The following LYG1 variants were observed in gnomAD, a reference collection of about 807,000 sequenced individuals.
LYG1 encodes lysozyme g-like protein 1.
Under a neutral mutation model 21.7 loss-of-function variants are expected in LYG1, and 17 were observed. That is an observed-to-expected ratio of 0.78 (90% CI 0.54 to 1.18). The LOEUF (loss-of-function observed/expected upper bound fraction) is 1.18. Ranked by LOEUF, LYG1 falls within the 50% of genes most tolerant of loss-of-function variation. LYG1 has a pLI of 0.00. For missense variants in LYG1, 211 were observed against 238.1 expected, an observed-to-expected ratio of 0.89 and a Z score of 0.75; for synonymous variants, 81 against 87.4, an observed-to-expected ratio of 0.93 and a Z score of 0.41.
upstream of LYG1, among the ~76,000 whole-genome samples, chr2:99,302,305 G>A (rs918930245): frequency 1.3e-5 from 2 of 152,160 alleles, no homozygotes; most frequent in African/African-American, 2.4e-5. Context: ...CACAAGCTCC[G>A]TGAGAGCTGT....
intron 5 of LYG1, among the ~76,000 whole-genome samples, chr2:99,288,208 T>C (rs1041299985): frequency 6.6e-6 from 1 of 152,182 alleles, no homozygotes; most frequent in Non-Finnish European, 1.5e-5. Flanking sequence ...TCAATCTTTT[T>C]TGTTATGTCA....
chr2:99,292,713 A>G, intron 3 of LYG1, 73 bp from the exon 4 acceptor site: 1 of 920,960 alleles, frequency 1.1e-6, no homozygotes, highest in Non-Finnish European at 1.8e-6. Flanking sequence ...GAATAAAATT[A>G]CATTAATAAA....
Position 99,292,519 on chromosome 2 carries a change from C to A in LYG1, c.148+17G>T, listed in dbSNP as rs374542350. 125 of 1,590,568 alleles carry A rather than the reference C, an allele frequency of 7.9e-5. No homozygotes were observed. The highest frequency in any genetic ancestry group is 1.0e-4 in the Non-Finnish European group (117 of 1,158,842). Reference sequence around the variant, plus strand: ...AAAGCCGGGGGATAGGTTGAGAGGGCGAAAGCTCATAGCTACCACAGTAGT... The same window carrying A: ...AAAGCCGGGGGATAGGTTGAGAGGGAGAAAGCTCATAGCTACCACAGTAGT... On this transcript the variant is annotated intron_variant, in intron 4 of 6. Transcript: ENST00000308528.
chr2:99,296,136 CT>C (rs1213816428), intron 2 of LYG1, among the ~76,000 whole-genome samples: 1 of 152,076 alleles, frequency 6.6e-6, no homozygotes, highest in Non-Finnish European at 1.5e-5. Flanking sequence ...ATTTAGGTCC[CT>C]TCTTCTTCAG....
At chr2:99,294,309 C>T (rs985220883) in intron 3 of LYG1, among the ~76,000 whole-genome samples, 2 of 152,184 alleles carry the variant, frequency 1.3e-5, no homozygotes, top group African/African-American at 4.8e-5. Context: ...TATCTATTGC[C>T]TATAATCATA....
At chr2:99,302,974 G>A (rs943019280), upstream of LYG1, among the ~76,000 whole-genome samples, 3 of 151,074 alleles carry the variant, frequency 2.0e-5, no homozygotes, top group African/African-American at 7.3e-5. Context: ...CCAAGATCAT[G>A]CCAGTGTACT....
intron 4 of LYG1, among the ~76,000 whole-genome samples, chr2:99,292,297 T>C (rs2094121410): frequency 6.6e-6 from 1 of 151,724 alleles, no homozygotes; most frequent in African/African-American, 2.4e-5. Context: ...AAAAAATAAA[T>C]AAAAATAAAA....
intron 3 of LYG1, among the ~76,000 whole-genome samples, chr2:99,293,305 T>C (rs1308741291): frequency 6.6e-6 from 1 of 152,186 alleles, no homozygotes; most frequent in African/African-American, 2.4e-5. Context: ...TCTTTCATCT[T>C]ATATGAACTC....
chr2:99,299,966 A>G (rs2094149593), intron 1 of LYG1, among the ~76,000 whole-genome samples: 2 of 152,006 alleles, frequency 1.3e-5, no homozygotes, highest in South Asian at 4.1e-4. Context: ...ACGTACAGCA[A>G]CACTCCAGCC....
At chr2:99,292,985 CTTTTTTTTTTTTTT>C (rs70940159) in intron 3 of LYG1, among the ~76,000 whole-genome samples, 42 of 83,164 alleles carry the variant, frequency 5.1e-4, no homozygotes, top group African/African-American at 1.9e-3. Context: ...CCTCATCTTA[CTTTTTTTTTTTTTT>C]TTTTTTTTTT....
chr2:99,284,590 A>G (rs915145614), intron 6 of LYG1, 79 bp from the exon 7 acceptor site: 2 of 1,592,564 alleles, frequency 1.3e-6, no homozygotes, highest in Non-Finnish European at 1.7e-6. Context: ...ACTACCTAAC[A>G]GGAGGCAGCT....
At chr2:99,287,544 CT>C (rs904030249) in intron 5 of LYG1, among the ~76,000 whole-genome samples, 1 of 151,206 alleles carries the variant, frequency 6.6e-6, no homozygotes, top group Non-Finnish European at 1.5e-5. Flanking sequence ...AAAAGGCTTT[CT>C]TTTTTTTTAA....
Position 99,301,143 on chromosome 2 carries a change from A to G in LYG1, c.-217T>C, listed in dbSNP as rs1260870622. On this transcript the variant is annotated 5_prime_UTR_variant, in exon 1 of 7. Coordinates refer to ENST00000308528, the MANE Select transcript of LYG1 (RefSeq NM_174898.3). ...TTGTTAAAAGTGTTCATCTCATCCT[A>G]TTTTGGAGAGATTTATGACATCTCA... 1 of 151,040 alleles carries G rather than the reference A, an allele frequency of 6.6e-6. No homozygotes were observed. The highest frequency in any genetic ancestry group is 1.5e-5 in the Non-Finnish European group (1 of 67,914). The allele number at this position is 151,040 out of a possible 1,614,324, so 9.4% of individuals were successfully genotyped here. A position where few individuals can be genotyped will look rare whatever the true frequency, so the allele number is the denominator to read the frequency against.
At chr2:99,304,612 G>A (rs777161926), upstream of LYG1, 4 of 152,330 alleles carry the variant, frequency 2.6e-5, no homozygotes, top group Non-Finnish European at 5.9e-5. Context: ...TACTAAGTCT[G>A]GAATGCTGAA....
chr2:99,285,023 G>C (rs779713341), intron 5 of LYG1, among the ~76,000 whole-genome samples: 1 of 152,146 alleles, frequency 6.6e-6, no homozygotes, highest in Non-Finnish European at 1.5e-5. Flanking sequence ...TTGCCAGACA[G>C]GTGGAGAGAA....
At chr2:99,302,278 C>G (rs149411658), upstream of LYG1, among the ~76,000 whole-genome samples, 1 of 152,192 alleles carries the variant, frequency 6.6e-6, no homozygotes, top group African/African-American at 2.4e-5. Context: ...AGCTCCCTCC[C>G]CATACCACAA....
At chr2:99,297,377 C>G (rs1289801005) in intron 2 of LYG1, among the ~76,000 whole-genome samples, 1 of 152,188 alleles carries the variant, frequency 6.6e-6, no homozygotes, top group Non-Finnish European at 1.5e-5. Context: ...GCATCACTGG[C>G]TTTATGGAAG....
At chr2:99,288,551 CTCTTG>C (rs138342375) in intron 5 of LYG1, among the ~76,000 whole-genome samples, 34,889 of 151,684 alleles carry the variant, frequency 0.23, 4,126 homozygotes, top group Admixed American at 0.32. Context: ...TTCCTTTTTA[CTCTTG>C]TCTTAACTAT....
intron 5 of LYG1, among the ~76,000 whole-genome samples, chr2:99,285,697 G>A (rs1281118192): frequency 6.6e-6 from 1 of 152,172 alleles, no homozygotes; most frequent in Admixed American, 6.5e-5. Flanking sequence ...ACATGAGGCT[G>A]TCTCATTCTC....
Sources: gnomAD v4.1 joint callset for allele counts (sites outside exome capture counted in the v4.1 genomes callset) on GRCh38, gnomAD v4.1.1 for gene constraint, MANE v1.5 for transcripts, NCBI Gene and HGNC (gene_info 2026-07-23, HGNC 2026-07-21) for gene names.